The following SEMA3A variants were observed in gnomAD, a reference collection of about 807,000 sequenced individuals.
SEMA3A encodes the protein semaphorin-3A.
A neutral mutation model predicts 97.9 loss-of-function variants in SEMA3A; 29 were observed. The observed-to-expected ratio is 0.30, with a 90% CI of 0.22 to 0.40. The LOEUF is 0.40. SEMA3A is among the 10% of genes least tolerant of loss of function. The probability of loss-of-function intolerance (pLI) is 1.00; values close to 1 mark genes in which losing one functional copy is unlikely to be tolerated. For missense variants in SEMA3A, 763 were observed against 951.3 expected (o/e 0.80, Z 2.60); for synonymous variants, 321 against 323.7 (o/e 0.99, Z 0.09).
intron 3 of SEMA3A, among the ~76,000 whole-genome samples, chr7:84,205,849 A>C (rs1798480328): frequency 6.6e-6 from 1 of 152,232 alleles, no homozygotes; most frequent in Non-Finnish European, 1.5e-5. Context: ...GAATTCAATA[A>C]ATGTGGAAAG....
chr7:84,246,413 T>C (rs575928497), intron 3 of SEMA3A, among the ~76,000 whole-genome samples: 1 of 152,234 alleles, frequency 6.6e-6, no homozygotes. Flanking sequence ...TAAAATGAAA[T>C]ATAAACTGTT....
chr7:84,162,875 T>A (rs1797082404), intron 1 of SEMA3A, among the ~76,000 whole-genome samples: 1 of 152,174 alleles, frequency 6.6e-6, no homozygotes, highest in Non-Finnish European at 1.5e-5. Context: ...CAATAGTTCA[T>A]GCTAGCTGCA....
At chr7:84,278,705 AG>A (rs1276552981) in intron 3 of SEMA3A, among the ~76,000 whole-genome samples, 3 of 152,202 alleles carry the variant, frequency 2.0e-5, no homozygotes, top group African/African-American at 7.2e-5. Context: ...AATGTTGAGG[AG>A]GCGCCTCACT....
chr7:84,458,844 TATA>T (rs1277324238), intron 1 of SEMA3A, among the ~76,000 whole-genome samples: 8 of 152,164 alleles, frequency 5.3e-5, no homozygotes, highest in Non-Finnish European at 1.2e-4. Context: ...CTTTCAAATA[TATA>T]ATGAGTTATT....
intron 3 of SEMA3A, among the ~76,000 whole-genome samples, chr7:84,254,567 T>G (rs1428559206): frequency 6.6e-6 from 1 of 152,200 alleles, no homozygotes; most frequent in Non-Finnish European, 1.5e-5. Flanking sequence ...CCAATGGGAA[T>G]TCTAAATATT....
chr7:84,240,456 C>A (rs1226700709), intron 3 of SEMA3A, among the ~76,000 whole-genome samples: 1 of 151,942 alleles, frequency 6.6e-6, no homozygotes, highest in Non-Finnish European at 1.5e-5. Context: ...AAGGCCAAGG[C>A]CATGGAAGAT....
intron 3 of SEMA3A, among the ~76,000 whole-genome samples, chr7:84,258,699 T>G (rs1183066318): frequency 6.6e-6 from 1 of 152,210 alleles, no homozygotes; most frequent in African/African-American, 2.4e-5. Context: ...AAACAGCTGG[T>G]CAATTTTTAT....
At chr7:84,062,520 A>G (rs1418267558) in intron 4 of SEMA3A, among the ~76,000 whole-genome samples, 1 of 152,190 alleles carries the variant, frequency 6.6e-6, no homozygotes, top group Non-Finnish European at 1.5e-5. Context: ...GGTTCACCTC[A>G]CTACGGAGTG....
intron 2 of SEMA3A, among the ~76,000 whole-genome samples, chr7:84,315,935 T>C (rs544133683): frequency 6.6e-6 from 1 of 151,432 alleles, no homozygotes; most frequent in Non-Finnish European, 1.5e-5. Flanking sequence ...ATTACTAATA[T>C]ATATTTTTTC....
intron 1 of SEMA3A, among the ~76,000 whole-genome samples, chr7:84,189,992 A>G (rs1181446443): frequency 6.6e-6 from 1 of 151,698 alleles, no homozygotes; most frequent in African/African-American, 2.4e-5. Context: ...CATGAAGAGA[A>G]AAAAACCCTA....
intron 2 of SEMA3A, among the ~76,000 whole-genome samples, chr7:84,328,692 C>T (rs1801832666): frequency 6.6e-6 from 1 of 151,910 alleles, no homozygotes; most frequent in African/African-American, 2.4e-5. Context: ...GACTCATTTC[C>T]TTCCTTTGTT....
intron 2 of SEMA3A, among the ~76,000 whole-genome samples, chr7:84,338,063 T>C (rs1035980815): frequency 7.2e-5 from 11 of 151,984 alleles, no homozygotes; most frequent in African/African-American, 2.7e-4. Flanking sequence ...TACACACTTA[T>C]ACATATATAT....
chr7:84,412,834 G>GT (rs1804307317), intron 1 of SEMA3A, among the ~76,000 whole-genome samples: 2 of 152,168 alleles, frequency 1.3e-5, no homozygotes, highest in Admixed American at 6.6e-5. Context: ...CCCAGCTATA[G>GT]TTTTTTAGAT....
At chr7:84,118,622 C>T (rs570485886) in intron 3 of SEMA3A, among the ~76,000 whole-genome samples, 1 of 152,254 alleles carries the variant, frequency 6.6e-6, no homozygotes, top group East Asian at 1.9e-4. Context: ...AGCTCCATGA[C>T]AAAAGACATC....
At chr7:84,381,768 C>T (rs377381045) in intron 1 of SEMA3A, among the ~76,000 whole-genome samples, 7 of 152,208 alleles carry the variant, frequency 4.6e-5, no homozygotes, top group Non-Finnish European at 5.9e-5. Flanking sequence ...ATTCCTAACA[C>T]GCAATAGTTT....
intron 2 of SEMA3A, among the ~76,000 whole-genome samples, chr7:84,318,730 G>A (rs182683658): frequency 2.0e-4 from 31 of 152,202 alleles, no homozygotes; most frequent in African/African-American, 7.5e-4. Context: ...TTTTTCAACA[G>A]CCACTCTTAT....
At chr7:84,268,431 A>G (rs1465839112) in intron 3 of SEMA3A, among the ~76,000 whole-genome samples, 1 of 152,014 alleles carries the variant, frequency 6.6e-6, no homozygotes, top group Non-Finnish European at 1.5e-5. Context: ...GAGAAGAGTA[A>G]AGTTCACTTG....
At chr7:83,966,682 C>T (rs1788704487) in intron 15 of SEMA3A, among the ~76,000 whole-genome samples, 1 of 151,452 alleles carries the variant, frequency 6.6e-6, no homozygotes. Flanking sequence ...GGTTCTGCTG[C>T]GATCAGCAAT....
intron 1 of SEMA3A, among the ~76,000 whole-genome samples, chr7:84,452,525 G>A (rs1163517003): frequency 1.3e-5 from 2 of 152,094 alleles, no homozygotes; most frequent in Non-Finnish European, 2.9e-5. Flanking sequence ...TGGCATGATC[G>A]ATAATACAAA....
Sources: allele counts gnomAD v4.1 joint callset (sites outside exome capture counted in the v4.1 genomes callset), GRCh38; gene constraint gnomAD v4.1.1; transcripts MANE v1.5; gene names NCBI Gene and HGNC (gene_info 2026-07-23, HGNC 2026-07-21).